The following ZMAT5 variants were observed in gnomAD, a reference collection of about 807,000 sequenced individuals.
The protein encoded by ZMAT5 is zinc finger matrin-type 5, also known as zinc finger matrin-type protein 5.
A neutral mutation model predicts 28.0 loss-of-function variants in ZMAT5; 23 were observed. The observed-to-expected ratio is 0.82, with a 90% CI of 0.59 to 1.16. The LOEUF (loss-of-function observed/expected upper bound fraction) is 1.16, where lower values mean the gene tolerates loss of function less well. Ranked by LOEUF, ZMAT5 falls within the 50% of genes most tolerant of loss-of-function variation. The pLI, the probability that ZMAT5 is intolerant of heterozygous loss-of-function variation, is 0.00. For synonymous variants in ZMAT5, 76 were observed against 84.1 expected (o/e 0.90, Z 0.52); for missense variants, 173 against 212.7 (o/e 0.81, Z 1.16).
intron 4 of ZMAT5, among the ~76,000 whole-genome samples, chr22:29,739,463 GTCATCTTGCT>G (rs1394179277): frequency 1.3e-5 from 2 of 152,206 alleles, no homozygotes; most frequent in African/African-American, 4.8e-5. Context: ...CTGTACAGGT[GTCATCTTGCT>G]TCATCCTTAG....
chr22:29,749,146 C>T (rs962900994), intron 1 of ZMAT5, among the ~76,000 whole-genome samples: 9 of 152,100 alleles, frequency 5.9e-5, no homozygotes, highest in African/African-American at 1.9e-4. Flanking sequence ...GGTGTGATCA[C>T]GGCTTACTGT....
rs951137330 is a variant in ZMAT5 at position 29,733,301 on chromosome 22, G to C, written c.384-1947C>G. Among the ~76,000 whole-genome samples, 80 of 152,354 alleles carry C rather than the reference G, an allele frequency of 5.3e-4. 1 individual carries two copies. The highest frequency in any genetic ancestry group is 4.4e-3 in the Admixed American group (67 of 15,312). On this transcript the variant is annotated intron_variant, in intron 5 of 5. Coordinates refer to ENST00000344318, the MANE Select transcript of ZMAT5 (RefSeq NM_001003692.2). ...GCCCTCTGCAGAGAGAGAAGGGCTT[G>C]GGCCTGCGGAGAGGGGTTTGGAGAG...
chr22:29,734,828 GCCCCA>G (rs1324392223), intron 5 of ZMAT5, among the ~76,000 whole-genome samples: 14 of 30,038 alleles, frequency 4.7e-4, no homozygotes, highest in Non-Finnish European at 1.0e-3. Context: ...AGGGTCCCCC[GCCCCA>G]GCCCCAGCCC....
intron 4 of ZMAT5, 44 bp downstream of exon 4, chr22:29,740,606 C>A (rs2067952260): frequency 1.3e-6 from 2 of 1,552,188 alleles, no homozygotes; most frequent in South Asian, 2.4e-5. Context: ...CCCACATGCC[C>A]CAGCACCCCA....
intron 1 of ZMAT5, among the ~76,000 whole-genome samples, chr22:29,755,334 A>AGAGAGAGAGGGAGGGAGGGAGG (rs2079391080): frequency 5.1e-5 from 1 of 19,708 alleles, no homozygotes; most frequent in African/African-American, 1.8e-4. Flanking sequence ...AAGGAGAGAG[A>AGAGAGAGAGGGAGGGAGGGAGG]GAGAGAGGGA....
chr22:29,736,652 G>A (rs757912896), intron 5 of ZMAT5, among the ~76,000 whole-genome samples: 5 of 149,380 alleles, frequency 3.3e-5, no homozygotes, highest in Admixed American at 2.0e-4. Context: ...CCCAGGAGGC[G>A]GAGGTTGCAG....
intron 1 of ZMAT5, among the ~76,000 whole-genome samples, chr22:29,755,338 A>AGAGAGGGAGGGAGGGAGG (rs1464976208): frequency 2.5e-5 from 1 of 39,266 alleles, no homozygotes; most frequent in Non-Finnish European, 5.1e-5. Context: ...AGAGAGAGAG[A>AGAGAGGGAGGGAGGGAGG]GAGGGAGGGA....
intron 2 of ZMAT5, among the ~76,000 whole-genome samples, chr22:29,744,006 C>T (rs922523792): frequency 5.9e-5 from 9 of 152,214 alleles, no homozygotes; most frequent in Non-Finnish European, 2.9e-5. Context: ...GCTGCATAAA[C>T]TCCAAGTCTC....
intron 3 of ZMAT5, among the ~76,000 whole-genome samples, chr22:29,741,846 G>A (rs991095355): frequency 6.6e-6 from 1 of 152,042 alleles, no homozygotes; most frequent in African/African-American, 2.4e-5. Flanking sequence ...TAGAGATGGG[G>A]TCTCGCTATG....
chr22:29,742,402 G>A lies in ZMAT5; in HGVS notation c.190+16C>T, dbSNP rs1242380901. 7 of 1,612,494 alleles carry A rather than the reference G, an allele frequency of 4.3e-6. No homozygotes were observed. Among genetic ancestry groups the A allele is most frequent in the East Asian group, 4.5e-5 (2 of 44,856 alleles). On this transcript the variant is annotated intron_variant, in intron 3 of 5. Coordinates refer to ENST00000344318, the MANE Select transcript of ZMAT5 (RefSeq NM_001003692.2). ...GCAGGTCCCCGCAGGGACCTGAGCT[G>A]TGCAGAGGACTTTACCTGTCAGTAG...
intron 1 of ZMAT5, among the ~76,000 whole-genome samples, chr22:29,758,034 G>T (rs2068120120): frequency 6.6e-6 from 1 of 151,856 alleles, no homozygotes; most frequent in Non-Finnish European, 1.5e-5. Flanking sequence ...AAAAGACACT[G>T]CTGCTTCCAT....
chr22:29,755,549 C>G (rs137865163), intron 1 of ZMAT5, among the ~76,000 whole-genome samples: 55 of 152,152 alleles, frequency 3.6e-4, no homozygotes, highest in African/African-American at 1.3e-3. Flanking sequence ...TTCCCGCTTG[C>G]TTGGCACTTC....
chr22:29,753,972 C>T (rs6006238), intron 1 of ZMAT5, among the ~76,000 whole-genome samples: 16,661 of 152,042 alleles, frequency 0.11, 1,536 homozygotes, highest in African/African-American at 0.25. Flanking sequence ...ACACATGCAG[C>T]GCCCTGCCAG....
Position 29,731,238 on chromosome 22 carries a change from A to G in ZMAT5, c.500T>C (p.Val167Ala), listed in dbSNP as rs770941332. Residue 167 changes from valine to alanine, a missense_variant, in exon 6 of 6, where the codon GTC (valine) becomes GCC (alanine). Coordinates refer to ENST00000344318, the MANE Select transcript of ZMAT5 (RefSeq NM_001003692.2). ...PPGGWPLQPR[V>A]QWG ...GGGGCAAGGGGCTCAGCCCCACTGGACTCTGGGCTGCAGAGGCCACCCCCC... is the reference window on the plus strand; with the variant it reads ...GGGGCAAGGGGCTCAGCCCCACTGGGCTCTGGGCTGCAGAGGCCACCCCCC... The G allele has an allele frequency of 1.3e-6, 2 of 1,507,330 alleles. No homozygotes were observed. The highest frequency in any genetic ancestry group is 2.7e-5 in the South Asian group (2 of 72,748). 93.4% of individuals were successfully genotyped at this position (1,507,330 alleles called of 1,614,324 possible).
chr22:29,745,537 A>C (rs1001576631), intron 2 of ZMAT5, among the ~76,000 whole-genome samples: 3 of 152,218 alleles, frequency 2.0e-5, no homozygotes, highest in Non-Finnish European at 2.9e-5. Context: ...TGAAGGCTGG[A>C]GGGAATCCTT....
intron 1 of ZMAT5, among the ~76,000 whole-genome samples, chr22:29,759,618 T>A (rs1005507256): frequency 6.6e-6 from 1 of 151,406 alleles, no homozygotes; most frequent in Non-Finnish European, 1.5e-5. Flanking sequence ...ATTTTTTTTT[T>A]AATTAGCCAG....
At chr22:29,756,128 C>T (rs2068099465) in intron 1 of ZMAT5, among the ~76,000 whole-genome samples, 2 of 152,386 alleles carry the variant, frequency 1.3e-5, no homozygotes, top group Non-Finnish European at 1.5e-5. Flanking sequence ...GACTTGTGCT[C>T]ACCACAGGCG....
intron 1 of ZMAT5, 97 bp from the exon 2 acceptor site, chr22:29,748,668 CT>C (rs2068031287): frequency 6.7e-7 from 1 of 1,487,512 alleles, no homozygotes; most frequent in South Asian, 1.3e-5. Flanking sequence ...TGAGCCCAGG[CT>C]TTACTCATAT....
At chr22:29,757,310 G>A (rs1056016645) in intron 1 of ZMAT5, among the ~76,000 whole-genome samples, 11 of 151,054 alleles carry the variant, frequency 7.3e-5, no homozygotes, top group Non-Finnish European at 1.5e-4. Context: ...CAGAGAGGGT[G>A]AGAGCATGCT....
Sources: allele counts gnomAD v4.1 joint callset (sites outside exome capture counted in the v4.1 genomes callset), GRCh38; gene constraint gnomAD v4.1.1; transcripts MANE v1.5; gene names NCBI Gene and HGNC (gene_info 2026-07-23, HGNC 2026-07-21).